Variants in SEPTIN9 observed in about 807,000 individuals in gnomAD.
The protein encoded by SEPTIN9 is septin-9.
In SEPTIN9, 13 loss-of-function variants were observed where a neutral mutation model predicts 56.6. That is an observed-to-expected ratio of 0.23 (90% CI 0.15 to 0.37). SEPTIN9 has a LOEUF of 0.37. Ranked by LOEUF, SEPTIN9 falls within the 10% of genes least tolerant of loss-of-function variation. SEPTIN9 has a pLI of 1.00. For missense variants in SEPTIN9, 650 were observed against 823.1 expected (o/e 0.79, Z 2.57); for synonymous variants, 332 against 334.1 (o/e 0.99, Z 0.07).
chr17:77,356,471 C>T (rs529210797), intron 2 of SEPTIN9, among the ~76,000 whole-genome samples: 24 of 151,500 alleles, frequency 1.6e-4, no homozygotes, highest in African/African-American at 3.9e-4. Flanking sequence ...TCTGTGCCTC[C>T]GCTTCCTGAT....
rs559870362 is a variant in SEPTIN9 at position 77,310,794 on chromosome 17, A to G, written c.76+3597A>G. ...GAGCATTTCATCTCAGTGGTGCCTG[A>G]GCTTCCCTCCCTCTGGCCCTCAGAC... On this transcript the variant is annotated intron_variant, in intron 2 of 11. Transcript: ENST00000427177. This position sits in a 1 kb window ranked among gnomAD's most constrained non-coding sequence, Gnocchi z 4.7. Among the ~76,000 whole-genome samples the G allele has an allele frequency of 1.9e-4, 29 of 152,020 alleles. No homozygotes were observed. The highest frequency in any genetic ancestry group is 3.4e-4 in the Non-Finnish European group (23 of 67,974).
rs747617500 is a variant in SEPTIN9, at chr17:77,429,680, A to G, written c.721+26977A>G. ...GGAGGGTGCTGGGCAGGAGCTGGCC[A>G]GTAATAGGCTGACGAGGGAGGCCCT... is the stretch of plus-strand genomic sequence containing the variant. On this transcript the variant is annotated intron_variant, in intron 3 of 11. Transcript: ENST00000427177. This position sits in a 1 kb window ranked among gnomAD's most constrained non-coding sequence, Gnocchi z 5.2. Among the ~76,000 whole-genome samples, 3 of 151,868 alleles carry G rather than the reference A, an allele frequency of 2.0e-5. No homozygotes were observed. The highest frequency in any genetic ancestry group is 4.4e-5 in the Non-Finnish European group (3 of 67,962).
rs1217997313 is a variant in SEPTIN9, at chr17:77,281,501, C to T, written c.-35C>T. 6.5e-7 allele frequency: 1 copy of T among 1,545,950 alleles called. No individual in the cohort carries two copies. The highest frequency in any genetic ancestry group is 1.2e-5 in the South Asian group (1 of 83,792). On this transcript the variant is annotated 5_prime_UTR_variant, in exon 1 of 12. Transcript: ENST00000427177. ...AGCGCGCGCCCCGCTGCCTCGCCGC[C>T]ACACTTTCCTGGGAGCGGCGGCCAC...
chr17:77,361,696 T>G (rs887294801), intron 2 of SEPTIN9, among the ~76,000 whole-genome samples: 1 of 151,898 alleles, frequency 6.6e-6, no homozygotes, highest in South Asian at 2.1e-4. Flanking sequence ...GCAGTGGCGC[T>G]ATCTCGGCTC....
chr17:77,485,416 CAG>C (rs2039734891), intron 4 of SEPTIN9, among the ~76,000 whole-genome samples: 3 of 146,806 alleles, frequency 2.0e-5, no homozygotes, highest in Non-Finnish European at 3.0e-5. Flanking sequence ...ATTGTGATGA[CAG>C]TGGTGGTGGT....
intron 2 of SEPTIN9, among the ~76,000 whole-genome samples, chr17:77,314,341 CTTTTTTTTT>C (rs33986509): frequency 2.9e-5 from 2 of 67,962 alleles, no homozygotes; most frequent in South Asian, 6.7e-4. Context: ...TGTGCCTGGA[CTTTTTTTTT>C]TTTTTTTTTT....
chr17:77,408,224 CAA>C (rs1421918155), intron 3 of SEPTIN9, among the ~76,000 whole-genome samples: 1 of 152,210 alleles, frequency 6.6e-6, no homozygotes, highest in Non-Finnish European at 1.5e-5. Flanking sequence ...CTTGATCTGT[CAA>C]AGAGGCATCT....
At chr17:77,480,701 C>T (rs538530312) in intron 3 of SEPTIN9, among the ~76,000 whole-genome samples, 1 of 152,220 alleles carries the variant, frequency 6.6e-6, no homozygotes, top group East Asian at 1.9e-4. Context: ...TGCTGGGTGC[C>T]CACCGGTCCC....
rs2040067635 is a variant in SEPTIN9 at position 77,492,379 on chromosome 17, G to A, written c.1381-242G>A. On this transcript the variant is annotated intron_variant, in intron 8 of 11. Transcript: ENST00000427177. This position sits in a 1 kb window ranked among gnomAD's most constrained non-coding sequence, Gnocchi z 5.4. ...GAGAAGAGAGGTGGGAGGTGCTCAG[G>A]ACGATGACCTTAAGCCCCTGGGGAG... is the stretch of plus-strand genomic sequence containing the variant. Among the ~76,000 whole-genome samples the A allele has an allele frequency of 6.6e-6, 1 of 152,192 alleles. No individual in the cohort carries two copies. The highest frequency in any genetic ancestry group is 1.5e-5 in the Non-Finnish European group (1 of 68,034).
At chr17:77,467,321 G>A (rs1460270291) in intron 3 of SEPTIN9, among the ~76,000 whole-genome samples, 1 of 152,248 alleles carries the variant, frequency 6.6e-6, no homozygotes, top group Non-Finnish European at 1.5e-5. Context: ...GCCAGGCATA[G>A]GCTCAGGTGT....
chr17:77,368,738 T>C (rs756812764), intron 2 of SEPTIN9, among the ~76,000 whole-genome samples: 24 of 152,204 alleles, frequency 1.6e-4, no homozygotes, highest in Non-Finnish European at 2.6e-4. Flanking sequence ...AAGCAAAACA[T>C]TAAAAAATTA....
intron 3 of SEPTIN9, among the ~76,000 whole-genome samples, chr17:77,422,161 G>A (rs1253653678): frequency 6.6e-6 from 1 of 152,194 alleles, no homozygotes; most frequent in Non-Finnish European, 1.5e-5. Context: ...CTCAGCTGGG[G>A]TTTTCCTTTA....
At chr17:77,395,489 AC>A (rs2035677494) in intron 2 of SEPTIN9, among the ~76,000 whole-genome samples, 1 of 149,934 alleles carries the variant, frequency 6.7e-6, no homozygotes, top group South Asian at 2.1e-4. Flanking sequence ...AGATTGCGCC[AC>A]TGCACTCCAG....
intron 2 of SEPTIN9, among the ~76,000 whole-genome samples, chr17:77,351,628 C>T (rs1026329744): frequency 1.3e-5 from 2 of 152,226 alleles, no homozygotes; most frequent in African/African-American, 4.8e-5. Flanking sequence ...GAGGCCCTGC[C>T]CCTGAGACAT....
intron 3 of SEPTIN9, among the ~76,000 whole-genome samples, chr17:77,407,037 CT>C (rs2036106130): frequency 1.3e-5 from 2 of 148,686 alleles, no homozygotes; most frequent in Admixed American, 6.6e-5. Context: ...AAATCCAGCA[CT>C]TTGGAGGCCG....
intron 2 of SEPTIN9, among the ~76,000 whole-genome samples, chr17:77,328,346 C>T (rs544988958): frequency 4.5e-4 from 69 of 152,302 alleles, no homozygotes; most frequent in African/African-American, 1.6e-3. Flanking sequence ...AGGCAGGCTG[C>T]TTTAGTTCTT....
At chr17:77,284,853 C>T (rs893044944) in intron 1 of SEPTIN9, among the ~76,000 whole-genome samples, 1 of 152,148 alleles carries the variant, frequency 6.6e-6, no homozygotes, top group East Asian at 1.9e-4. Flanking sequence ...TGATCTCGAA[C>T]TCCTGACCTC....
At chr17:77,494,610 G>A (rs1276753825) in intron 10 of SEPTIN9, among the ~76,000 whole-genome samples, 1 of 152,236 alleles carries the variant, frequency 6.6e-6, no homozygotes, top group Non-Finnish European at 1.5e-5. Context: ...CAATTACCAG[G>A]AGGCATCAGA....
intron 1 of SEPTIN9, among the ~76,000 whole-genome samples, chr17:77,302,055 G>A (rs1236862413): frequency 2.0e-5 from 3 of 152,178 alleles, no homozygotes; most frequent in Non-Finnish European, 4.4e-5. Context: ...TGTGGTGGGT[G>A]CATTTCAATC....
Sources: allele counts gnomAD v4.1 joint callset (sites outside exome capture counted in the v4.1 genomes callset), GRCh38; gene constraint gnomAD v4.1.1; non-coding constraint Gnocchi (gnomAD v3.1); transcripts MANE v1.5; gene names NCBI Gene and HGNC (gene_info 2026-07-23, HGNC 2026-07-21).